Variants in GLMN observed in about 807,000 individuals in gnomAD.
The protein encoded by GLMN is glomulin.
Under a neutral mutation model 87.8 loss-of-function variants are expected in GLMN, and 75 were observed. That is an observed-to-expected ratio of 0.85 (90% CI 0.71 to 1.04). GLMN has a LOEUF of 1.04. Ranked by LOEUF, GLMN falls within the 50% of genes least tolerant of loss-of-function variation. GLMN has a pLI of 0.00. For missense variants in GLMN, 588 were observed against 658.8 expected (o/e 0.89, Z 1.18); for synonymous variants, 206 against 221.6 (o/e 0.93, Z 0.63).
chr1:92,359,458 T>G, the GLMN span, among the ~76,000 whole-genome samples: 1 of 152,232 alleles, frequency 6.6e-6, no homozygotes, highest in Non-Finnish European at 1.5e-5. Flanking sequence ...TAGTTGGGAT[T>G]ACAGGCATGC....
In GLMN at chr1:92,271,641, T is replaced by G. The variant is rs757875273; in HGVS notation, c.747A>C (p.Ser249=). The change falls in exon 8 of 19, where the codon TCA becomes TCC. Residue 249 remains serine, a synonymous_variant. Transcript: ENST00000370360. ...TTTTGGGGAAAGGGTGTCCAATTGCTGATAAAAAACCCTATGAAATGGATA... is the reference window on the plus strand; with the variant it reads ...TTTTGGGGAAAGGGTGTCCAATTGCGGATAAAAAACCCTATGAAATGGATA... ...YFASEIIGFL[S]AIGHPFPKMI... The G allele has an allele frequency of 1.9e-6, 3 of 1,611,062 alleles. No individual in the cohort carries two copies. The Admixed American group carries it at 5.0e-5, about 27-fold the overall frequency.
chr1:92,255,468 C>A (rs1427903581), intron 16 of GLMN, among the ~76,000 whole-genome samples: 1 of 152,200 alleles, frequency 6.6e-6, no homozygotes, highest in East Asian at 1.9e-4. Context: ...CTTCTCAGCA[C>A]CACACAGCAC....
rs1423000415 is a variant in GLMN at position 92,298,940 on chromosome 1, C to G, written c.-46G>C. ...CTCCACTTACCGGCCAGAACCCTCG[C>G]CTCTCCCAGCCGCCGCCACCTCCTC... On this transcript the variant is annotated 5_prime_UTR_variant, in exon 1 of 19. Coordinates refer to ENST00000370360, the MANE Select transcript of GLMN (RefSeq NM_053274.3). 2.7e-5 allele frequency: 13 copies of G among 486,176 alleles called. No individual in the cohort carries two copies. The highest frequency in any genetic ancestry group is 4.8e-5 in the Non-Finnish European group (13 of 272,704). 30.1% of individuals were successfully genotyped at this position (486,176 alleles called of 1,614,324 possible).
chr1:92,365,073 A>G, the GLMN span, among the ~76,000 whole-genome samples: 1 of 152,084 alleles, frequency 6.6e-6, no homozygotes, highest in South Asian at 2.1e-4. Context: ...TTTTCTTTTC[A>G]TATCTGCCTA....
intron 3 of GLMN, among the ~76,000 whole-genome samples, chr1:92,292,626 T>G (rs1189538089): frequency 6.8e-6 from 1 of 147,288 alleles, no homozygotes; most frequent in African/African-American, 2.5e-5. Flanking sequence ...GGTTTCACCA[T>G]GTTAGCCAGG....
chr1:92,334,987 CA>C, the GLMN span, among the ~76,000 whole-genome samples: 2 of 151,508 alleles, frequency 1.3e-5, no homozygotes, highest in Non-Finnish European at 2.9e-5. Context: ...GACTCCATCT[CA>C]AAAAAATAAA....
At chr1:92,340,602 G>C in the GLMN span, among the ~76,000 whole-genome samples, 1 of 152,174 alleles carries the variant, frequency 6.6e-6, no homozygotes, top group African/African-American at 2.4e-5. Context: ...TAGAGATTGA[G>C]TTTCATTCGG....
the GLMN span, among the ~76,000 whole-genome samples, chr1:92,352,787 C>T: frequency 3.3e-5 from 5 of 152,136 alleles, no homozygotes; most frequent in African/African-American, 7.2e-5. Context: ...ACAACTATCA[C>T]CACTATCTAA....
the GLMN span, among the ~76,000 whole-genome samples, chr1:92,306,945 G>C: frequency 4.6e-5 from 7 of 152,268 alleles, 1 homozygote; most frequent in Admixed American, 3.3e-4. Context: ...GAAAGGAAAT[G>C]AGGGAATGAT....
At chr1:92,356,196 T>G in the GLMN span, among the ~76,000 whole-genome samples, 1 of 152,252 alleles carries the variant, frequency 6.6e-6, no homozygotes, top group African/African-American at 2.4e-5. Flanking sequence ...CAGGCTGGTC[T>G]CAACTCCTGG....
At chr1:92,287,448 C>G (rs965444148) in intron 6 of GLMN, among the ~76,000 whole-genome samples, 3 of 152,060 alleles carry the variant, frequency 2.0e-5, no homozygotes, top group Non-Finnish European at 4.4e-5. Flanking sequence ...TCAAAGGATC[C>G]TCCTGCCACA....
chr1:92,251,063 G>A (rs116282949), intron 16 of GLMN, among the ~76,000 whole-genome samples: 1 of 152,062 alleles, frequency 6.6e-6, no homozygotes, highest in Non-Finnish European at 1.5e-5. Context: ...GCCATAAGTG[G>A]AATTAAAACT....
At chr1:92,294,388 C>T (rs964352864) in intron 3 of GLMN, among the ~76,000 whole-genome samples, 1 of 152,138 alleles carries the variant, frequency 6.6e-6, no homozygotes, top group African/African-American at 2.4e-5. Context: ...GCAGGGGGTA[C>T]ATTCCAGGAC....
At chr1:92,336,264 T>TG in the GLMN span, 1 of 848,696 alleles carries the variant, frequency 1.2e-6, no homozygotes, top group Non-Finnish European at 1.9e-6. Context: ...TTATTAGCTA[T>TG]GGAAAATTCA....
intron 3 of GLMN, among the ~76,000 whole-genome samples, chr1:92,292,590 T>TA (rs2101048031): frequency 6.8e-6 from 1 of 147,706 alleles, no homozygotes; most frequent in Non-Finnish European, 1.5e-5. Context: ...TTTTGCCTTT[T>TA]TTTTTTTTTT....
At chr1:92,349,024 A>G in the GLMN span, among the ~76,000 whole-genome samples, 1 of 152,168 alleles carries the variant, frequency 6.6e-6, no homozygotes, top group Non-Finnish European at 1.5e-5. Context: ...AAGTAACCCC[A>G]CCTTTCAGCC....
At chr1:92,324,857 G>A in the GLMN span, among the ~76,000 whole-genome samples, 3 of 152,104 alleles carry the variant, frequency 2.0e-5, no homozygotes, top group African/African-American at 4.8e-5. Context: ...AGACTTATTG[G>A]GAAATAATGG....
the GLMN span, among the ~76,000 whole-genome samples, chr1:92,311,192 C>A: frequency 6.6e-6 from 1 of 152,228 alleles, no homozygotes; most frequent in African/African-American, 2.4e-5. Context: ...CTGTAGGAAA[C>A]CTGCTTCTCA....
At position 92,271,465 on chromosome 1, in the gene GLMN, C is replaced by G. The variant is rs1656225898; in HGVS notation, c.923G>C (p.Ser308Thr). 6.2e-7 allele frequency: 1 copy of G among 1,609,362 alleles called. No individual in the cohort carries two copies. ...IHIDQLPMVL[S>T]PLYLLQFNMG... ...GAATAAACCAAACACTAACTCTTAC[C>G]TTAAGACCATTGGAAGCTGATCAAT... Residue 308 changes from serine (S) to threonine (T), a missense_variant and splice_region_variant, in exon 8 of 19, where the codon AGC becomes ACC. Physicochemically the swap from Ser to Thr is moderately conservative, Grantham distance 58. Transcript: ENST00000370360.
Sources: allele counts gnomAD v4.1 joint callset (sites outside exome capture counted in the v4.1 genomes callset), GRCh38; gene constraint gnomAD v4.1.1; transcripts MANE v1.5; gene names NCBI Gene and HGNC (gene_info 2026-07-23, HGNC 2026-07-21).